KCNIP4: variants seen among roughly 807,000 people sequenced by gnomAD.
The protein encoded by KCNIP4 is Kv channel-interacting protein 4.
In KCNIP4, 12 loss-of-function variants were observed where a neutral mutation model predicts 34.0. The ratio of observed to expected loss-of-function variants is 0.35; its 90% CI spans 0.23 to 0.57. The LOEUF (loss-of-function observed/expected upper bound fraction) is 0.57. Among genes scored for constraint, KCNIP4 ranks in the 20% least tolerant of loss-of-function variants. The probability of loss-of-function intolerance (pLI) is 0.83; values close to 1 mark genes in which losing one functional copy is unlikely to be tolerated. For synonymous variants in KCNIP4, 124 were observed against 102.2 expected, an observed-to-expected ratio of 1.21 and a Z score of -1.29; for missense variants, 238 against 311.7, an observed-to-expected ratio of 0.76 and a Z score of 1.78.
chr4:21,004,669 T>A (rs1738410486), intron 1 of KCNIP4, among the ~76,000 whole-genome samples: 1 of 152,096 alleles, frequency 6.6e-6, no homozygotes, highest in South Asian at 2.1e-4. Flanking sequence ...AAGCCAAAAA[T>A]AATTTTCTTT....
chr4:21,255,007 G>A (rs1472054847), intron 1 of KCNIP4, among the ~76,000 whole-genome samples: 2 of 151,958 alleles, frequency 1.3e-5, no homozygotes, highest in Non-Finnish European at 2.9e-5. Flanking sequence ...AAATTTCCAG[G>A]GCTATTTGAC....
intron 1 of KCNIP4, among the ~76,000 whole-genome samples, chr4:21,743,091 A>T (rs1483695307): frequency 3.3e-5 from 5 of 152,184 alleles, no homozygotes; most frequent in Non-Finnish European, 1.5e-5. Context: ...CATCAAAAAT[A>T]CTTCTATTAG....
intron 1 of KCNIP4, among the ~76,000 whole-genome samples, chr4:21,377,455 A>T (rs1472661752): frequency 2.0e-5 from 3 of 152,224 alleles, no homozygotes; most frequent in Non-Finnish European, 4.4e-5. Flanking sequence ...TAGCTCATTT[A>T]GTGATTGATT....
At chr4:21,764,575 A>G (rs1307602297) in intron 1 of KCNIP4, among the ~76,000 whole-genome samples, 1 of 152,132 alleles carries the variant, frequency 6.6e-6, no homozygotes, top group Non-Finnish European at 1.5e-5. Context: ...CGGACTATAT[A>G]AACCACTGCC....
At chr4:20,946,086 C>T (rs374629809) in intron 1 of KCNIP4, among the ~76,000 whole-genome samples, 6 of 152,048 alleles carry the variant, frequency 3.9e-5, no homozygotes, top group African/African-American at 7.3e-5. Flanking sequence ...ATTTTGGACA[C>T]GGTCATGAAC....
chr4:21,244,667 A>T (rs1476567296), intron 1 of KCNIP4, among the ~76,000 whole-genome samples: 1 of 152,212 alleles, frequency 6.6e-6, no homozygotes, highest in African/African-American at 2.4e-5. Context: ...GATTCTAAAA[A>T]TATTTCTTTT....
Position 21,784,806 on chromosome 4 carries a change from A to G in KCNIP4, c.61+163765T>C, listed in dbSNP as rs550781591. Among the ~76,000 whole-genome samples, 17 of 152,216 alleles carry G rather than the reference A, an allele frequency of 1.1e-4. No homozygotes were observed. In the South Asian group the frequency reaches 3.5e-3, roughly 32 times the overall value. On this transcript the variant is annotated intron_variant, in intron 1 of 8. Transcript: ENST00000382152. ...TTATCTTATCATGATCATGTCCTAA[A>G]TTTAGTTTCTTTCTACTCTTTACCA... is the stretch of plus-strand genomic sequence containing the variant.
chr4:21,103,856 T>C (rs1421554653), intron 1 of KCNIP4, among the ~76,000 whole-genome samples: 2 of 151,398 alleles, frequency 1.3e-5, no homozygotes, highest in African/African-American at 4.9e-5. Context: ...GTCCTTGCGA[T>C]AGTTTACTGA....
intron 1 of KCNIP4, among the ~76,000 whole-genome samples, chr4:21,514,872 G>C (rs1008582224): frequency 2.0e-5 from 3 of 152,178 alleles, no homozygotes; most frequent in African/African-American, 7.2e-5. Context: ...TCTTCTGGGG[G>C]AGATGTGTGC....
chr4:20,845,405 T>G (rs1468671384), intron 3 of KCNIP4, among the ~76,000 whole-genome samples: 1 of 152,132 alleles, frequency 6.6e-6, no homozygotes, highest in Non-Finnish European at 1.5e-5. Flanking sequence ...ATAATGCACC[T>G]TGCAACCTTC....
intron 1 of KCNIP4, among the ~76,000 whole-genome samples, chr4:21,643,857 G>GTGA (rs60573044): frequency 4.1e-5 from 6 of 147,336 alleles, no homozygotes; most frequent in East Asian, 4.1e-4. Context: ...TGATAGATAG[G>GTGA]TGATGATGAT....
intron 1 of KCNIP4, among the ~76,000 whole-genome samples, chr4:20,976,403 G>C (rs1705571897): frequency 6.6e-6 from 1 of 152,074 alleles, no homozygotes; most frequent in Non-Finnish European, 1.5e-5. Context: ...GCACTTATTG[G>C]CTCCTATTTG....
chr4:21,344,089 T>C (rs1302977437), intron 1 of KCNIP4, among the ~76,000 whole-genome samples: 1 of 152,148 alleles, frequency 6.6e-6, no homozygotes, highest in Non-Finnish European at 1.5e-5. Context: ...AAGCATACAG[T>C]TATGTGCACA....
At chr4:21,762,567 TGTTA>T (rs1231439204) in intron 1 of KCNIP4, among the ~76,000 whole-genome samples, 3 of 152,168 alleles carry the variant, frequency 2.0e-5, no homozygotes, top group African/African-American at 7.2e-5. Flanking sequence ...AACTGGTTGC[TGTTA>T]GTTAGACGAA....
At chr4:21,494,434 T>C (rs896205543) in intron 1 of KCNIP4, among the ~76,000 whole-genome samples, 4 of 152,114 alleles carry the variant, frequency 2.6e-5, no homozygotes, top group African/African-American at 9.7e-5. Flanking sequence ...AAAATTTACA[T>C]TATTTAGAAA....
chr4:21,772,739 T>A (rs1023432451), intron 1 of KCNIP4, among the ~76,000 whole-genome samples: 18 of 152,344 alleles, frequency 1.2e-4, no homozygotes, highest in African/African-American at 4.3e-4. Flanking sequence ...CTGATGGTGC[T>A]TTGTATTTCT....
intron 1 of KCNIP4, among the ~76,000 whole-genome samples, chr4:21,618,795 G>A (rs1462587573): frequency 6.6e-6 from 1 of 151,322 alleles, no homozygotes; most frequent in Non-Finnish European, 1.5e-5. Context: ...ACCACGCCCT[G>A]CTAATTTTTT....
chr4:20,921,140 T>C (rs1729358717), intron 1 of KCNIP4, among the ~76,000 whole-genome samples: 1 of 152,148 alleles, frequency 6.6e-6, no homozygotes, highest in South Asian at 2.1e-4. Context: ...GAAAATGTAC[T>C]GGTGATGGGA....
intron 1 of KCNIP4, among the ~76,000 whole-genome samples, chr4:21,105,660 C>G (rs1198041686): frequency 6.6e-6 from 1 of 151,632 alleles, no homozygotes; most frequent in Non-Finnish European, 1.5e-5. Context: ...GAGAGGGTAT[C>G]CCTGTCTTGT....
Sources: allele counts gnomAD v4.1 joint callset (sites outside exome capture counted in the v4.1 genomes callset), GRCh38; gene constraint gnomAD v4.1.1; transcripts MANE v1.5; gene names NCBI Gene and HGNC (gene_info 2026-07-23, HGNC 2026-07-21).